KCTD8: variants seen among roughly 807,000 people sequenced by gnomAD.
The protein encoded by KCTD8 is potassium channel tetramerization domain containing 8, also known as BTB/POZ domain-containing protein KCTD8.
A neutral mutation model predicts 31.5 loss-of-function variants in KCTD8; 27 were observed. The ratio of observed to expected loss-of-function variants is 0.86; its 90% confidence interval spans 0.63 to 1.18. The LOEUF is 1.18. Among genes scored for constraint, KCTD8 ranks in the 50% most tolerant of loss-of-function variants. KCTD8 has a pLI of 0.00. For missense variants in KCTD8, 658 were observed against 647.7 expected, an observed-to-expected ratio of 1.02 and a Z score of -0.17; for synonymous variants, 290 against 280.0, an observed-to-expected ratio of 1.04 and a Z score of -0.36.
chr4:44,235,043 C>T (rs1018491427), intron 1 of KCTD8, among the ~76,000 whole-genome samples: 6 of 151,948 alleles, frequency 3.9e-5, no homozygotes, highest in Non-Finnish European at 5.9e-5. Context: ...CAGGACAAGA[C>T]GGTAAAACCA....
intron 1 of KCTD8, among the ~76,000 whole-genome samples, chr4:44,245,512 T>C (rs1331772330): frequency 6.6e-6 from 1 of 152,060 alleles, no homozygotes; most frequent in Non-Finnish European, 1.5e-5. Context: ...GCTTTTATAG[T>C]AAGCATTAAT....
chr4:44,297,511 A>C (rs989318366), intron 1 of KCTD8, among the ~76,000 whole-genome samples: 9 of 150,114 alleles, frequency 6.0e-5, no homozygotes, highest in African/African-American at 2.2e-4. Context: ...GTATATGTGC[A>C]TCTTTTCTAT....
chr4:44,431,359 T>C (rs1039604700), intron 1 of KCTD8, among the ~76,000 whole-genome samples: 11 of 151,564 alleles, frequency 7.3e-5, no homozygotes, highest in Non-Finnish European at 1.3e-4. Flanking sequence ...CTCAGTATCT[T>C]TAATATTTGC....
At chr4:44,207,492 C>T (rs1714349355) in intron 1 of KCTD8, among the ~76,000 whole-genome samples, 1 of 152,212 alleles carries the variant, frequency 6.6e-6, no homozygotes, top group South Asian at 2.1e-4. Context: ...ACCTACCTTA[C>T]ATATTATAGG....
chr4:44,357,713 T>G (rs1229955133), intron 1 of KCTD8, among the ~76,000 whole-genome samples: 1 of 151,986 alleles, frequency 6.6e-6, no homozygotes, highest in Admixed American at 6.6e-5. Flanking sequence ...GCATTAAAAT[T>G]TAAGGAAAAA....
intron 1 of KCTD8, among the ~76,000 whole-genome samples, chr4:44,229,054 G>T (rs1715044594): frequency 6.6e-6 from 1 of 152,068 alleles, no homozygotes; most frequent in African/African-American, 2.4e-5. Context: ...TAAATGCTTT[G>T]TTATTCAATT....
At chr4:44,427,704 C>T (rs966381450) in intron 1 of KCTD8, among the ~76,000 whole-genome samples, 1 of 151,462 alleles carries the variant, frequency 6.6e-6, no homozygotes, top group African/African-American at 2.4e-5. Flanking sequence ...AAAAAATAGA[C>T]AAAATGAAAC....
chr4:44,223,274 G>T (rs959559117), intron 1 of KCTD8, among the ~76,000 whole-genome samples: 1 of 152,180 alleles, frequency 6.6e-6, no homozygotes, highest in Non-Finnish European at 1.5e-5. Flanking sequence ...AGGCAATTAA[G>T]ATAGAGAACA....
At chr4:44,345,068 A>G (rs577376513) in intron 1 of KCTD8, among the ~76,000 whole-genome samples, 1 of 152,292 alleles carries the variant, frequency 6.6e-6, no homozygotes, top group East Asian at 1.9e-4. Flanking sequence ...CTACTTTAGT[A>G]TGTTTCTCAA....
intron 1 of KCTD8, among the ~76,000 whole-genome samples, chr4:44,176,107 G>A (rs1453702947): frequency 2.6e-5 from 4 of 152,156 alleles, no homozygotes; most frequent in Non-Finnish European, 5.9e-5. Context: ...CACATACCCA[G>A]AGCTGTTCTA....
intron 1 of KCTD8, among the ~76,000 whole-genome samples, chr4:44,267,719 C>A (rs1350547789): frequency 6.6e-6 from 1 of 152,156 alleles, no homozygotes; most frequent in Non-Finnish European, 1.5e-5. Flanking sequence ...GATATCACCA[C>A]TGATCCCACA....
At chr4:44,380,110 T>A (rs1720021354) in intron 1 of KCTD8, among the ~76,000 whole-genome samples, 1 of 151,966 alleles carries the variant, frequency 6.6e-6, no homozygotes, top group Non-Finnish European at 1.5e-5. Context: ...TTATACAACT[T>A]ATCTATAATT....
chr4:44,185,825 GT>G (rs1156667013), intron 1 of KCTD8, among the ~76,000 whole-genome samples: 1 of 151,062 alleles, frequency 6.6e-6, no homozygotes, highest in Non-Finnish European at 1.5e-5. Flanking sequence ...TTAAATAATG[GT>G]TATTTCTGTA....
intron 1 of KCTD8, among the ~76,000 whole-genome samples, chr4:44,373,366 A>C (rs1028655259): frequency 6.6e-6 from 1 of 151,876 alleles, no homozygotes; most frequent in Non-Finnish European, 1.5e-5. Context: ...TCTCAAAAAA[A>C]AAAAGGCCAA....
At chr4:44,435,550 C>T (rs1721622439) in intron 1 of KCTD8, among the ~76,000 whole-genome samples, 1 of 151,956 alleles carries the variant, frequency 6.6e-6, no homozygotes, top group Admixed American at 6.6e-5. Context: ...CAAGTAAGCA[C>T]TGAAAATTAT....
chr4:44,305,747 C>A (rs995811542), intron 1 of KCTD8, among the ~76,000 whole-genome samples: 4 of 151,172 alleles, frequency 2.6e-5, no homozygotes, highest in Non-Finnish European at 5.9e-5. Flanking sequence ...AATTTTTTAC[C>A]CCAAAATGAA....
chr4:44,325,670 T>C (rs930920315), intron 1 of KCTD8, among the ~76,000 whole-genome samples: 3 of 151,848 alleles, frequency 2.0e-5, no homozygotes, highest in African/African-American at 7.3e-5. Context: ...TAAAATAAAA[T>C]AAATATTGAG....
intron 1 of KCTD8, among the ~76,000 whole-genome samples, chr4:44,403,308 AT>A (rs1250855285): frequency 3.9e-5 from 6 of 152,094 alleles, no homozygotes; most frequent in African/African-American, 1.2e-4. Flanking sequence ...TAATAAAAAA[AT>A]ATATTTCAAT....
At chr4:44,268,718 A>T (rs567781167) in intron 1 of KCTD8, among the ~76,000 whole-genome samples, 2 of 152,198 alleles carry the variant, frequency 1.3e-5, no homozygotes, top group Non-Finnish European at 2.9e-5. Flanking sequence ...AAACCAATGT[A>T]CAAAAATCAC....
Sources: allele counts gnomAD v4.1 joint callset (sites outside exome capture counted in the v4.1 genomes callset), GRCh38; gene constraint gnomAD v4.1.1; transcripts MANE v1.5; gene names NCBI Gene and HGNC (gene_info 2026-07-23, HGNC 2026-07-21).